Variants in ESR1 observed in about 807,000 individuals in gnomAD.
ESR1 encodes estrogen receptor 1, also known as estrogen receptor.
Under a neutral mutation model 52.7 loss-of-function variants are expected in ESR1, and 12 were observed. The ratio of observed to expected loss-of-function variants is 0.23; its 90% CI spans 0.15 to 0.37. The LOEUF is 0.37. ESR1 is among the 10% of genes least tolerant of loss of function. ESR1 has a pLI of 1.00. For synonymous variants in ESR1, 305 were observed against 316.8 expected (o/e 0.96, Z 0.39); for missense variants, 584 against 779.7 (o/e 0.75, Z 2.99).
At chr6:151,809,009 G>A (rs912989109) in intron 1 of ESR1, 3 of 255,256 alleles carry the variant, frequency 1.2e-5, no homozygotes, top group Non-Finnish European at 1.7e-5. Context: ...TTAGCTGGCT[G>A]AGTCCGCGCT....
intron 6 of ESR1, among the ~76,000 whole-genome samples, chr6:152,087,822 A>G (rs938747737): frequency 3.3e-5 from 5 of 152,234 alleles, no homozygotes; most frequent in Non-Finnish European, 5.9e-5. Context: ...GTGATTTGTC[A>G]TCATGGCTGT....
intron 6 of ESR1, among the ~76,000 whole-genome samples, chr6:152,115,486 C>A (rs1374704815): frequency 6.6e-6 from 1 of 151,966 alleles, no homozygotes; most frequent in African/African-American, 2.4e-5. Flanking sequence ...TATAGACCTA[C>A]TAGAAGAAAA....
intron 5 of ESR1, among the ~76,000 whole-genome samples, chr6:152,027,994 T>C (rs750490193): frequency 8.6e-5 from 13 of 151,856 alleles, no homozygotes; most frequent in Non-Finnish European, 1.6e-4. Flanking sequence ...ATACAAAAAA[T>C]ATAGCCAGGT....
chr6:151,826,385 GA>G (rs1781507061), intron 1 of ESR1, among the ~76,000 whole-genome samples: 1 of 152,192 alleles, frequency 6.6e-6, no homozygotes, highest in African/African-American at 2.4e-5. Context: ...ACAAAACCAT[GA>G]GAGGATAGTG....
chr6:151,882,219 A>G (rs1793062389), intron 3 of ESR1, among the ~76,000 whole-genome samples: 1 of 152,216 alleles, frequency 6.6e-6, no homozygotes, highest in Non-Finnish European at 1.5e-5. Flanking sequence ...GCTTACAGTG[A>G]CAGGTTTCAT....
chr6:152,113,381 G>A (rs2051170462), intron 6 of ESR1, among the ~76,000 whole-genome samples: 2 of 152,178 alleles, frequency 1.3e-5, no homozygotes, highest in South Asian at 2.1e-4. Context: ...GCATGGGGCG[G>A]GGGGCACCTG....
intron 2 of ESR1, among the ~76,000 whole-genome samples, chr6:151,740,556 T>C (rs1283533727): frequency 6.6e-6 from 1 of 152,048 alleles, no homozygotes; most frequent in Non-Finnish European, 1.5e-5. Flanking sequence ...TTTTTTCCTC[T>C]GTCTTGAGCT....
At chr6:151,959,363 A>C (rs1409519847) in intron 4 of ESR1, among the ~76,000 whole-genome samples, 1 of 152,178 alleles carries the variant, frequency 6.6e-6, no homozygotes, top group African/African-American at 2.4e-5. Context: ...ATCTTTTTCT[A>C]TCCATGAACA....
intron 4 of ESR1, among the ~76,000 whole-genome samples, chr6:151,977,323 T>C (rs556880597): frequency 6.6e-6 from 1 of 151,994 alleles, no homozygotes; most frequent in Admixed American, 6.5e-5. Context: ...TAACAACACT[T>C]GTCTCGTACA....
At chr6:151,743,255 G>A (rs535262212) in intron 2 of ESR1, among the ~76,000 whole-genome samples, 4 of 152,242 alleles carry the variant, frequency 2.6e-5, no homozygotes, top group Non-Finnish European at 4.4e-5. Context: ...GTAGGGCTTG[G>A]GCATGGGGTG....
chr6:151,928,822 G>T (rs564668774), intron 3 of ESR1, among the ~76,000 whole-genome samples: 1 of 151,678 alleles, frequency 6.6e-6, no homozygotes, highest in Middle Eastern at 3.2e-3. Context: ...TGACTCATAC[G>T]TTCTTTAAAA....
chr6:151,900,071 T>C (rs959906906), intron 3 of ESR1, among the ~76,000 whole-genome samples: 11 of 152,354 alleles, frequency 7.2e-5, no homozygotes, highest in East Asian at 3.9e-4. Flanking sequence ...TGTAGCGAGC[T>C]GAGATCACGC....
chr6:152,062,196 G>A (rs373407777), intron 6 of ESR1, among the ~76,000 whole-genome samples: 3 of 151,658 alleles, frequency 2.0e-5, no homozygotes, highest in South Asian at 2.1e-4. Context: ...ATCCCTTCCC[G>A]CTTCCCCTAA....
chr6:151,975,336 C>T (rs2039336711), intron 4 of ESR1, among the ~76,000 whole-genome samples: 1 of 152,108 alleles, frequency 6.6e-6, no homozygotes, highest in Non-Finnish European at 1.5e-5. Flanking sequence ...TAGTAAACTC[C>T]CCCCACTCTT....
Position 152,001,957 on chromosome 6 carries a change from G to A in ESR1, c.1097-9699G>A, listed in dbSNP as rs148303005. ...CTGACTGGCTGGGCCCACTCCTTCT[G>A]TATATGGAGCCATAGGGCTTTTCTC... On this transcript the variant is annotated intron_variant, in intron 4 of 7. Coordinates refer to ENST00000206249, the MANE Select transcript of ESR1 (RefSeq NM_000125.4). Among the ~76,000 whole-genome samples, 269 of 152,104 alleles carry A rather than the reference G, an allele frequency of 1.8e-3. 2 individuals are homozygous for A. The highest frequency in any genetic ancestry group is 6.2e-3 in the African/African-American group (257 of 41,532).
In ESR1 at chr6:152,007,483, C is replaced by T. The variant is rs75626563; in HGVS notation, c.1097-4173C>T. Among the ~76,000 whole-genome samples the T allele has an allele frequency of 5.0e-3, 755 of 151,972 alleles. 2 individuals are homozygous for T. The highest frequency in any genetic ancestry group is 0.017 in the African/African-American group (693 of 41,466). On this transcript the variant is annotated intron_variant, in intron 4 of 7. Coordinates refer to ENST00000206249, the MANE Select transcript of ESR1 (RefSeq NM_000125.4). ...TATTAGCCAGATTACTGCCCATATG[C>T]GGGGTGAGGAGTGAGCATTTTAAGG...
chr6:151,902,153 A>C (rs1390619616), intron 3 of ESR1, among the ~76,000 whole-genome samples: 5 of 152,168 alleles, frequency 3.3e-5, no homozygotes, highest in Non-Finnish European at 7.3e-5. Context: ...GTGATCACTG[A>C]CCACAACATC....
upstream of ESR1, among the ~76,000 whole-genome samples, chr6:151,801,496 C>T (rs1777240698): frequency 6.6e-6 from 1 of 152,162 alleles, no homozygotes; most frequent in South Asian, 2.1e-4. Context: ...AAACTGTCTT[C>T]ATCAAGTCCT....
chr6:151,779,064 G>A (rs545747725), intron 2 of ESR1, among the ~76,000 whole-genome samples: 62 of 152,180 alleles, frequency 4.1e-4, no homozygotes, highest in African/African-American at 1.5e-3. Context: ...TCTGATGATA[G>A]TTTCTTTTGC....
Sources: allele counts gnomAD v4.1 joint callset (sites outside exome capture counted in the v4.1 genomes callset), GRCh38; gene constraint gnomAD v4.1.1; transcripts MANE v1.5; gene names NCBI Gene and HGNC (gene_info 2026-07-23, HGNC 2026-07-21).